STT3B: variants seen among roughly 807,000 people sequenced by gnomAD.
STT3B encodes dolichyl-diphosphooligosaccharide--protein glycosyltransferase subunit STT3B.
Under a neutral mutation model 96.8 loss-of-function variants are expected in STT3B, and 29 were observed. The observed-to-expected ratio is 0.30, with a 90% CI of 0.22 to 0.41. STT3B has a LOEUF of 0.41. Among genes scored for constraint, STT3B ranks in the 10% least tolerant of loss-of-function variants. The pLI is 1.00. For synonymous variants in STT3B, 367 were observed against 360.0 expected (o/e 1.02, Z -0.22); for missense variants, 640 against 1,022.3 (o/e 0.63, Z 5.10).
At chr3:31,611,930 G>A (rs1424906807) in intron 5 of STT3B, among the ~76,000 whole-genome samples, 1 of 152,120 alleles carries the variant, frequency 6.6e-6, no homozygotes, top group Non-Finnish European at 1.5e-5. Context: ...CAATATATGT[G>A]TAATTTTACA....
Position 31,633,110 on chromosome 3 carries a change from C to G in STT3B, c.2363C>G (p.Thr788Ser), listed in dbSNP as rs372753354. Residue 788 changes from threonine to serine, a missense_variant, in exon 15 of 16, where the codon ACC (threonine) becomes AGC (serine). Physicochemically the swap from Thr to Ser is moderately conservative, Grantham distance 58. Coordinates refer to ENST00000295770, the MANE Select transcript of STT3B (RefSeq NM_178862.3). ...RETLDHKPRVTNIFPKQKYLS... is the reference protein window; with the variant it reads ...RETLDHKPRVSNIFPKQKYLS... ...ACATTAGATCACAAACCTCGAGTCA[C>G]CAACATTTTCCCAAAACAGAAGTAT... 13 of 1,613,800 alleles carry G rather than the reference C, an allele frequency of 8.1e-6. No individual in the cohort carries two copies. The highest frequency in any genetic ancestry group is 1.7e-5 in the Admixed American group (1 of 59,986).
chr3:31,576,042 T>G (rs1698257195), intron 1 of STT3B, among the ~76,000 whole-genome samples: 2 of 152,130 alleles, frequency 1.3e-5, no homozygotes, highest in African/African-American at 4.8e-5. Flanking sequence ...TGCAGGATTT[T>G]GGGCAATTCT....
At position 31,571,902 on chromosome 3, in the gene STT3B, G is replaced by A. The variant is rs1265751661; in HGVS notation, c.315-4494G>A. 3.5e-5 allele frequency among the ~76,000 whole-genome samples: 5 copies of A among 142,658 alleles called. No individual in the cohort carries two copies. In the East Asian group the frequency reaches 9.9e-4, roughly 28 times the overall value. The allele number at this position is 142,658 out of a possible 152,430, so 93.6% of individuals were successfully genotyped here. On this transcript the variant is annotated intron_variant, in intron 1 of 15. Coordinates refer to ENST00000295770, the MANE Select transcript of STT3B (RefSeq NM_178862.3). ...CATGATATGTTATAAATTTAGGTTAGGTGCTTCCTTTTTGAGATTATATAT... is the reference window on the plus strand; with the variant it reads ...CATGATATGTTATAAATTTAGGTTAAGTGCTTCCTTTTTGAGATTATATAT...
At chr3:31,566,460 T>C (rs1005597319) in intron 1 of STT3B, among the ~76,000 whole-genome samples, 6 of 152,210 alleles carry the variant, frequency 3.9e-5, no homozygotes, top group Non-Finnish European at 7.3e-5. Flanking sequence ...AGGATCATAG[T>C]GTCTGACATG....
intron 1 of STT3B, among the ~76,000 whole-genome samples, chr3:31,547,998 T>G (rs1697457031): frequency 6.6e-6 from 1 of 152,192 alleles, no homozygotes; most frequent in Non-Finnish European, 1.5e-5. Context: ...GGAAGGATTC[T>G]TGGACATGTA....
chr3:31,623,360 A>G (rs967749802), intron 10 of STT3B, among the ~76,000 whole-genome samples: 1 of 152,188 alleles, frequency 6.6e-6, no homozygotes, highest in Non-Finnish European at 1.5e-5. Context: ...TTTCACCAGA[A>G]TGGGGTCATT....
chr3:31,556,368 C>T (rs193105981), intron 1 of STT3B, among the ~76,000 whole-genome samples: 4 of 152,248 alleles, frequency 2.6e-5, no homozygotes, highest in East Asian at 1.9e-4. Context: ...AACGTGTGAA[C>T]GCACGTGTCC....
At chr3:31,536,295 T>C (rs1454641541) in intron 1 of STT3B, among the ~76,000 whole-genome samples, 1 of 152,214 alleles carries the variant, frequency 6.6e-6, no homozygotes, top group East Asian at 1.9e-4. Flanking sequence ...AGCTGAACAC[T>C]CTAGTGTTTC....
At chr3:31,547,282 A>G (rs1484084053) in intron 1 of STT3B, among the ~76,000 whole-genome samples, 2 of 152,260 alleles carry the variant, frequency 1.3e-5, no homozygotes, top group Admixed American at 6.5e-5. Context: ...TCTTAAATGT[A>G]GTGGCGAAAT....
intron 4 of STT3B, among the ~76,000 whole-genome samples, chr3:31,597,840 A>T (rs534932090): frequency 0.015 from 2,266 of 147,162 alleles, 27 homozygotes; most frequent in African/African-American, 0.034. Context: ...TATTATTATT[A>T]TTATTTTTTT....
chr3:31,626,989 C>T (rs756609023), intron 13 of STT3B, among the ~76,000 whole-genome samples: 6 of 152,136 alleles, frequency 3.9e-5, no homozygotes, highest in South Asian at 2.1e-4. Context: ...TCACCTGACA[C>T]GTGTGTTTTT....
rs1699757840 is a variant in STT3B, at chr3:31,636,512, T to C, written c.*448T>C. ...AGAGCTTCTTGAACCGGTAAACTAG[T>C]ACAGGTCTGAGAAAGACATATTAGA... On this transcript the variant is annotated 3_prime_UTR_variant, in exon 16 of 16. Transcript: ENST00000295770. 6.5e-6 allele frequency: 1 copy of C among 152,868 alleles called. No individual in the cohort carries two copies. The highest frequency in any genetic ancestry group is 1.5e-5 in the Non-Finnish European group (1 of 68,500). 9.5% of individuals were successfully genotyped at this position (152,868 alleles called of 1,614,324 possible). A position where few individuals can be genotyped will look rare whatever the true frequency, so the allele number is the denominator to read the frequency against.
chr3:31,625,794 T>C (rs1699523648), intron 12 of STT3B, among the ~76,000 whole-genome samples, 160 bp from the exon 13 acceptor site: 3 of 152,236 alleles, frequency 2.0e-5, no homozygotes, highest in Non-Finnish European at 4.4e-5. Context: ...GGTTCATAAA[T>C]TCCAATGCAT....
In STT3B at chr3:31,633,452, A is replaced by G. The variant is rs888700839; in HGVS notation, c.2400+305A>G. Among the ~76,000 whole-genome samples the G allele has an allele frequency of 9.2e-5, 14 of 152,186 alleles. No homozygotes were observed. The East Asian group carries it at 2.5e-3, about 27-fold the overall frequency. On this transcript the variant is annotated intron_variant, in intron 15 of 15. Transcript: ENST00000295770. ...CCATCGCTTTCCAAACCTGTATGAA[A>G]GTAAAAATGCTAAATTCTCATCTTT...
rs1048659729 is a variant in STT3B at position 31,633,067 on chromosome 3, G to A, written c.2320G>A (p.Ala774Thr). ...HWLVRIYKVK[A>T]PDNRETLDHK... ...GCTTGTTAGGATATATAAAGTAAAA[G>A]CACCTGATAACAGGGAGACATTAGA... The change falls in exon 15 of 16, where the codon GCA becomes ACA. Residue 774 changes from alanine (A) to threonine (T), a missense_variant. Transcript: ENST00000295770. The A allele has an allele frequency of 1.9e-5, 30 of 1,613,982 alleles. No homozygotes were observed. The African/African-American group carries it at 3.6e-4, about 19-fold the overall frequency.
At chr3:31,634,876 C>A (rs73826820) in intron 15 of STT3B, among the ~76,000 whole-genome samples, 8,078 of 151,922 alleles carry the variant, frequency 0.053, 733 homozygotes, top group African/African-American at 0.18. Flanking sequence ...AAAATTGTAC[C>A]CTCTGAAGTT....
rs140540001 is a variant in STT3B at position 31,559,516 on chromosome 3, T to C, written c.315-16880T>C. On this transcript the variant is annotated intron_variant, in intron 1 of 15. Coordinates refer to ENST00000295770, the MANE Select transcript of STT3B (RefSeq NM_178862.3). ...CCATGTATTTGTACAGTTTTCAAGG[T>C]TCCTCTTGTTATTGATTTCTCATTT... 5.1e-4 allele frequency among the ~76,000 whole-genome samples: 77 copies of C among 152,134 alleles called. No individual in the cohort carries two copies. In the East Asian group the frequency reaches 0.013, roughly 26 times the overall value.
chr3:31,571,397 C>CT (rs1333629331), intron 1 of STT3B, among the ~76,000 whole-genome samples: 2 of 151,630 alleles, frequency 1.3e-5, no homozygotes, highest in Non-Finnish European at 2.9e-5. Flanking sequence ...TCACTAAGGG[C>CT]TTTATTTTAT....
chr3:31,617,654 C>CT (rs1160560098), intron 7 of STT3B, among the ~76,000 whole-genome samples: 2 of 151,798 alleles, frequency 1.3e-5, no homozygotes, highest in African/African-American at 4.8e-5. Flanking sequence ...ATGCCTTAGC[C>CT]TTATTAGTCA....
Sources: gnomAD v4.1 joint callset for allele counts (sites outside exome capture counted in the v4.1 genomes callset) on GRCh38, gnomAD v4.1.1 for gene constraint, MANE v1.5 for transcripts, NCBI Gene and HGNC (gene_info 2026-07-23, HGNC 2026-07-21) for gene names.